The following THSD7B variants were observed in gnomAD, a reference collection of about 807,000 sequenced individuals.
THSD7B encodes thrombospondin type 1 domain containing 7B, also known as thrombospondin type-1 domain-containing protein 7B.
THSD7B carries 138 observed loss-of-function variants against 213.6 expected under a neutral mutation model. The ratio of observed to expected loss-of-function variants is 0.65; its 90% CI spans 0.56 to 0.74. The LOEUF is 0.74. Among genes scored for constraint, THSD7B ranks in the 30% least tolerant of loss-of-function variants. The probability of loss-of-function intolerance (pLI) is 0.00; values close to 1 mark genes in which losing one functional copy is unlikely to be tolerated. For synonymous variants in THSD7B, 742 were observed against 687.0 expected, an observed-to-expected ratio of 1.08 and a Z score of -1.25; for missense variants, 1,931 against 1,991.5, an observed-to-expected ratio of 0.97 and a Z score of 0.58.
chr2:136,985,341 A>C (rs1229235095), intron 2 of THSD7B, among the ~76,000 whole-genome samples: 1 of 152,172 alleles, frequency 6.6e-6, no homozygotes, highest in Non-Finnish European at 1.5e-5. Flanking sequence ...TTCAGGATCC[A>C]GGCCCAGGGC....
At chr2:137,556,143 C>G (rs896433891) in intron 15 of THSD7B, among the ~76,000 whole-genome samples, 5 of 152,128 alleles carry the variant, frequency 3.3e-5, no homozygotes, top group Non-Finnish European at 5.9e-5. Context: ...GGAGAACTTC[C>G]CCAACCTAGC....
intron 5 of THSD7B, among the ~76,000 whole-genome samples, chr2:137,157,070 C>T (rs1679924420): frequency 1.3e-5 from 2 of 152,198 alleles, no homozygotes; most frequent in African/African-American, 4.8e-5. Context: ...GTATGTTTTA[C>T]TCACCATTGT....
At chr2:136,825,773 A>G (rs2104941768) in intron 1 of THSD7B, among the ~76,000 whole-genome samples, 1 of 144,328 alleles carries the variant, frequency 6.9e-6, no homozygotes, top group African/African-American at 2.6e-5. Context: ...ACTGGTCTCA[A>G]ACTCCTGACC....
At chr2:136,981,958 A>G (rs1234031385) in intron 2 of THSD7B, among the ~76,000 whole-genome samples, 3 of 152,316 alleles carry the variant, frequency 2.0e-5, no homozygotes, top group East Asian at 1.9e-4. Flanking sequence ...GGGAACCACT[A>G]CGCAGGAGGC....
At chr2:137,649,766 T>C (rs1275324853) in intron 21 of THSD7B, among the ~76,000 whole-genome samples, 3 of 152,196 alleles carry the variant, frequency 2.0e-5, no homozygotes, top group Non-Finnish European at 4.4e-5. Context: ...TTCAGCATTG[T>C]TCTTTTTGCT....
chr2:137,311,996 G>T (rs1164117026), intron 12 of THSD7B, among the ~76,000 whole-genome samples: 2 of 147,424 alleles, frequency 1.4e-5, no homozygotes, highest in African/African-American at 5.0e-5. Context: ...GCCCGGCTTT[G>T]GTATCAGGAT....
intron 7 of THSD7B, among the ~76,000 whole-genome samples, chr2:137,219,445 A>G (rs1681319689): frequency 6.9e-6 from 1 of 144,884 alleles, no homozygotes; most frequent in South Asian, 2.6e-4. Context: ...TGGTTGCTAT[A>G]ATAGCAGGCA....
chr2:137,169,491 C>A (rs534503769), intron 6 of THSD7B, among the ~76,000 whole-genome samples: 1 of 152,130 alleles, frequency 6.6e-6, no homozygotes, highest in East Asian at 2.0e-4. Flanking sequence ...TCCTTCTCCC[C>A]TCCCCTTGTG....
At chr2:137,395,647 A>G (rs1284340044) in intron 12 of THSD7B, among the ~76,000 whole-genome samples, 3 of 152,092 alleles carry the variant, frequency 2.0e-5, no homozygotes, top group South Asian at 4.2e-4. Flanking sequence ...GTCTCTGTCC[A>G]GCTTTGGTAT....
intron 10 of THSD7B, among the ~76,000 whole-genome samples, chr2:137,255,723 T>G (rs1355749241): frequency 6.6e-6 from 1 of 152,128 alleles, no homozygotes; most frequent in East Asian, 1.9e-4. Flanking sequence ...ACTTTTCACT[T>G]TTTTAGAAAC....
At chr2:137,115,363 A>G in intron 5 of THSD7B, 70 bp downstream of exon 5, 1 of 1,393,944 alleles carries the variant, frequency 7.2e-7, no homozygotes, top group East Asian at 2.7e-5. Context: ...CTCTCCAAGT[A>G]TTCTTCTTGA....
chr2:137,240,566 AG>A (rs1681877333), intron 9 of THSD7B, among the ~76,000 whole-genome samples: 1 of 151,834 alleles, frequency 6.6e-6, no homozygotes, highest in African/African-American at 2.4e-5. Context: ...TCTGGAGTGC[AG>A]GGGTATGATC....
At chr2:137,258,764 C>A (rs1682367283) in intron 10 of THSD7B, among the ~76,000 whole-genome samples, 1 of 151,442 alleles carries the variant, frequency 6.6e-6, no homozygotes, top group Non-Finnish European at 1.5e-5. Flanking sequence ...TTTGCTGCAC[C>A]CGTCAACCCA....
chr2:137,300,895 G>C (rs146610041), intron 12 of THSD7B, among the ~76,000 whole-genome samples: 151 of 152,240 alleles, frequency 9.9e-4, no homozygotes, highest in African/African-American at 3.5e-3. Flanking sequence ...AGTGAGGACA[G>C]AGACATCGGG....
At chr2:137,581,401 A>G (rs1424820015) in intron 17 of THSD7B, among the ~76,000 whole-genome samples, 1 of 152,164 alleles carries the variant, frequency 6.6e-6, no homozygotes, top group East Asian at 1.9e-4. Context: ...CAGCCTTCCC[A>G]ACATGGCAAA....
chr2:137,276,878 T>C (rs1682885820), intron 12 of THSD7B, among the ~76,000 whole-genome samples: 1 of 152,114 alleles, frequency 6.6e-6, no homozygotes, highest in South Asian at 2.1e-4. Context: ...ATAATATCCC[T>C]GTCAAAAAAT....
At chr2:137,139,359 T>C (rs1183041254) in intron 5 of THSD7B, among the ~76,000 whole-genome samples, 1 of 152,068 alleles carries the variant, frequency 6.6e-6, no homozygotes, top group African/African-American at 2.4e-5. Context: ...TGAAAAAAAA[T>C]TAGTAGTGAA....
intron 2 of THSD7B, among the ~76,000 whole-genome samples, chr2:136,981,003 A>G (rs1573747468): frequency 6.9e-6 from 1 of 145,108 alleles, no homozygotes. Flanking sequence ...TGCAGGATTC[A>G]CTCGCTGTAT....
chr2:136,886,908 G>A (rs576984223), intron 2 of THSD7B, among the ~76,000 whole-genome samples: 1 of 152,250 alleles, frequency 6.6e-6, no homozygotes, highest in South Asian at 2.1e-4. Flanking sequence ...TCAGGAGAGA[G>A]GTTTCTGCTG....
Sources: allele counts gnomAD v4.1 joint callset (sites outside exome capture counted in the v4.1 genomes callset), GRCh38; gene constraint gnomAD v4.1.1; transcripts MANE v1.5; gene names NCBI Gene and HGNC (gene_info 2026-07-23, HGNC 2026-07-21).